Variants in RNF150 observed in about 807,000 individuals in gnomAD.
RNF150 encodes the protein ring finger protein 150.
Under a neutral mutation model 39.3 loss-of-function variants are expected in RNF150, and 24 were observed. The observed-to-expected ratio is 0.61, with a 90% CI of 0.44 to 0.86. RNF150 has a LOEUF of 0.86. Among genes scored for constraint, RNF150 ranks in the 40% least tolerant of loss-of-function variants. The pLI is 0.00. For missense variants in RNF150, 502 were observed against 587.8 expected, an observed-to-expected ratio of 0.85 and a Z score of 1.51; for synonymous variants, 255 against 227.3, an observed-to-expected ratio of 1.12 and a Z score of -1.10.
At chr4:141,196,836 C>T (rs1345572679) in intron 1 of RNF150, among the ~76,000 whole-genome samples, 1 of 152,146 alleles carries the variant, frequency 6.6e-6, no homozygotes, top group Non-Finnish European at 1.5e-5. Context: ...GTGACTGATT[C>T]CTTTAATTTC....
intron 6 of RNF150, among the ~76,000 whole-genome samples, chr4:140,903,930 G>A (rs1730281146): frequency 6.6e-6 from 1 of 152,200 alleles, no homozygotes; most frequent in Middle Eastern, 3.2e-3. Context: ...CCTGTCAGAG[G>A]TACCAGGCAC....
chr4:141,061,920 A>G (rs1040986181), intron 1 of RNF150, among the ~76,000 whole-genome samples: 1 of 152,056 alleles, frequency 6.6e-6, no homozygotes, highest in African/African-American at 2.4e-5. Context: ...ATCGCCTCCC[A>G]AAAGTACATC....
chr4:141,184,551 G>T (rs185899410), intron 1 of RNF150, among the ~76,000 whole-genome samples: 4 of 152,002 alleles, frequency 2.6e-5, no homozygotes, highest in Admixed American at 1.3e-4. Flanking sequence ...AATTGCTTTT[G>T]GTATTTTAGT....
At chr4:141,016,863 C>G (rs185426324) in intron 1 of RNF150, among the ~76,000 whole-genome samples, 1 of 152,150 alleles carries the variant, frequency 6.6e-6, no homozygotes, top group South Asian at 2.1e-4. Flanking sequence ...TCTTTCGGCC[C>G]AGTTCTGCTC....
At chr4:140,906,058 A>AT (rs891391574) in intron 6 of RNF150, among the ~76,000 whole-genome samples, 7 of 152,066 alleles carry the variant, frequency 4.6e-5, no homozygotes, top group African/African-American at 1.7e-4. Flanking sequence ...CAGAAAAAAA[A>AT]TTTTTTGGGG....
intron 1 of RNF150, among the ~76,000 whole-genome samples, chr4:140,975,858 T>C (rs1733644487): frequency 6.6e-6 from 1 of 152,158 alleles, no homozygotes; most frequent in Admixed American, 6.5e-5. Flanking sequence ...TGACCCCATG[T>C]ACCTTTTGCC....
Position 141,100,421 on chromosome 4 carries a change from T to C in RNF150, c.484+31904A>G, listed in dbSNP as rs573129869. On this transcript the variant is annotated intron_variant, in intron 1 of 6. Transcript: ENST00000515673. ...TATTCTTCCTTCTACCACATCCAAG[T>C]GACAGTAAACCCAAACACTGCTGAT... Among the ~76,000 whole-genome samples, 6 of 152,336 alleles carry C rather than the reference T, an allele frequency of 3.9e-5. No homozygotes were observed. In the East Asian group the frequency reaches 7.7e-4, roughly 20 times the overall value.
chr4:141,132,960 C>T lies in RNF150; in HGVS notation c.-152G>A. ...CCGCGGCCGGGACGCGCAGCCGCCG[C>T]GGGGACCGGATTCCGGGCGAGCGGA... is the stretch of plus-strand genomic sequence containing the variant. On this transcript the variant is annotated 5_prime_UTR_variant, in exon 1 of 7. Coordinates refer to ENST00000515673, the MANE Select transcript of RNF150 (RefSeq NM_020724.2). The surrounding 1 kb of genome is among the most constrained non-coding windows in gnomAD (Gnocchi z 4.9). 1.7e-6 allele frequency: 1 copy of T among 596,350 alleles called. No homozygotes were observed. The highest frequency in any genetic ancestry group is 2.8e-6 in the Non-Finnish European group (1 of 355,304). 36.9% of individuals were successfully genotyped at this position (596,350 alleles called of 1,614,324 possible). A position where few individuals can be genotyped will look rare whatever the true frequency, so the allele number is the denominator to read the frequency against.
intron 4 of RNF150, among the ~76,000 whole-genome samples, chr4:140,935,736 TG>T: frequency 6.6e-6 from 1 of 152,348 alleles, no homozygotes; most frequent in African/African-American, 2.4e-5. Flanking sequence ...AGTGAACTGT[TG>T]TTTTTAAAAT....
chr4:140,923,377 C>T (rs369464065), intron 5 of RNF150, among the ~76,000 whole-genome samples: 5 of 152,228 alleles, frequency 3.3e-5, no homozygotes, highest in East Asian at 3.9e-4. Context: ...AAAATGCTCA[C>T]CATCACTGGC....
At chr4:140,930,635 C>T (rs759167379) in intron 4 of RNF150, among the ~76,000 whole-genome samples, 25 of 152,214 alleles carry the variant, frequency 1.6e-4, no homozygotes, top group Admixed American at 4.6e-4. Context: ...CGGGACTTTT[C>T]TTCTCTCAGC....
intron 2 of RNF150, among the ~76,000 whole-genome samples, chr4:140,964,627 T>C (rs1310591580): frequency 6.6e-6 from 1 of 152,048 alleles, no homozygotes; most frequent in Non-Finnish European, 1.5e-5. Flanking sequence ...AAAGAAGAGT[T>C]GAATAAGGCG....
At chr4:140,955,374 A>G (rs1732710212) in intron 2 of RNF150, among the ~76,000 whole-genome samples, 1 of 152,194 alleles carries the variant, frequency 6.6e-6, no homozygotes, top group African/African-American at 2.4e-5. Flanking sequence ...AGCAGAAAAT[A>G]ATGGCTTCAA....
chr4:140,945,088 A>G (rs80179331), intron 4 of RNF150, among the ~76,000 whole-genome samples: 6,057 of 152,270 alleles, frequency 0.04, 282 homozygotes, highest in African/African-American at 0.11. Flanking sequence ...GCTCAAATGC[A>G]TTTTGTTATT....
At chr4:140,912,977 A>C (rs1448432879) in intron 5 of RNF150, among the ~76,000 whole-genome samples, 2 of 151,974 alleles carry the variant, frequency 1.3e-5, no homozygotes, top group South Asian at 2.1e-4. Flanking sequence ...AAAAAAAAAA[A>C]AAAAAAACAC....
chr4:141,151,915 A>G (rs1727309832), intron 1 of RNF150, among the ~76,000 whole-genome samples: 3 of 152,204 alleles, frequency 2.0e-5, no homozygotes, highest in Admixed American at 2.0e-4. Flanking sequence ...TAATTGATTT[A>G]CCAGATAGCT....
At chr4:141,080,624 T>C (rs1738113186) in intron 1 of RNF150, among the ~76,000 whole-genome samples, 1 of 152,238 alleles carries the variant, frequency 6.6e-6, no homozygotes, top group South Asian at 2.1e-4. Flanking sequence ...AGTTGCATGT[T>C]TTTTGTTCTT....
intron 1 of RNF150, among the ~76,000 whole-genome samples, chr4:141,178,523 A>G (rs751973356): frequency 6.6e-6 from 1 of 152,188 alleles, no homozygotes; most frequent in Non-Finnish European, 1.5e-5. Context: ...TTTTTGAAAG[A>G]ATTTTAGTGC....
chr4:140,877,250 C>T (rs1729190998), intron 6 of RNF150, among the ~76,000 whole-genome samples: 2 of 152,158 alleles, frequency 1.3e-5, no homozygotes, highest in African/African-American at 4.8e-5. Flanking sequence ...GTGATTTTTA[C>T]ATTAGTTTTA....
Sources: gnomAD v4.1 joint callset for allele counts (sites outside exome capture counted in the v4.1 genomes callset) on GRCh38, gnomAD v4.1.1 for gene constraint, Gnocchi (gnomAD v3.1) non-coding constraint, MANE v1.5 for transcripts, NCBI Gene and HGNC (gene_info 2026-07-23, HGNC 2026-07-21) for gene names.